TENM3: variants seen among roughly 807,000 people sequenced by gnomAD.
The protein encoded by TENM3 is teneurin transmembrane protein 3.
Under a neutral mutation model 255.1 loss-of-function variants are expected in TENM3, and 63 were observed. The ratio of observed to expected loss-of-function variants is 0.25; its 90% confidence interval spans 0.20 to 0.30. The LOEUF is 0.30. Among genes scored for constraint, TENM3 ranks in the 10% least tolerant of loss-of-function variants. The pLI is 1.00. For missense variants in TENM3, 2,929 were observed against 3,461.1 expected (o/e 0.85, Z 3.86); for synonymous variants, 1,306 against 1,322.3 (o/e 0.99, Z 0.27).
At chr4:181,942,045 T>C in the TENM3 span, among the ~76,000 whole-genome samples, 55,383 of 151,968 alleles carry the variant, frequency 0.36, 11,101 homozygotes, top group Middle Eastern at 0.5. Flanking sequence ...GCCCTTCCGG[T>C]GACCTGCTTT....
the TENM3 span, among the ~76,000 whole-genome samples, chr4:181,646,965 A>G: frequency 1.3e-5 from 2 of 152,242 alleles, no homozygotes; most frequent in Non-Finnish European, 2.9e-5. Context: ...GACAGGGGAA[A>G]TAACTCATTA....
the TENM3 span, among the ~76,000 whole-genome samples, chr4:181,501,565 A>G: frequency 6.6e-6 from 1 of 151,840 alleles, no homozygotes; most frequent in Non-Finnish European, 1.5e-5. Context: ...TTTTTAGTAG[A>G]GGCGGGGTTT....
chr4:181,860,039 T>C, the TENM3 span, among the ~76,000 whole-genome samples: 1 of 152,204 alleles, frequency 6.6e-6, no homozygotes, highest in African/African-American at 2.4e-5. Flanking sequence ...CTAAAGCCAG[T>C]TGCCATCTGA....
chr4:182,198,527 C>T (rs1000555737), intron 1 of TENM3, among the ~76,000 whole-genome samples: 1 of 152,210 alleles, frequency 6.6e-6, no homozygotes, highest in Admixed American at 6.5e-5. Flanking sequence ...CAGCTTGCTG[C>T]GGATAGCCCG....
At chr4:181,737,480 C>G in the TENM3 span, among the ~76,000 whole-genome samples, 1 of 152,036 alleles carries the variant, frequency 6.6e-6, no homozygotes, top group Non-Finnish European at 1.5e-5. Flanking sequence ...TAGAGTGGCC[C>G]TGGTCAATGT....
At chr4:181,527,437 C>T in the TENM3 span, among the ~76,000 whole-genome samples, 3 of 151,952 alleles carry the variant, frequency 2.0e-5, no homozygotes, top group Non-Finnish European at 2.9e-5. Flanking sequence ...GGCTTGATCT[C>T]GGCTCTCTGC....
At chr4:181,601,546 A>G in the TENM3 span, among the ~76,000 whole-genome samples, 5 of 152,154 alleles carry the variant, frequency 3.3e-5, no homozygotes, top group African/African-American at 1.2e-4. Context: ...TCTTCTTATA[A>G]GGACATTGCA....
chr4:182,177,203 G>T (rs1335794828), intron 1 of TENM3, among the ~76,000 whole-genome samples: 1 of 152,024 alleles, frequency 6.6e-6, no homozygotes, highest in Admixed American at 6.6e-5. Context: ...CTTGCACGAG[G>T]TGTTACCATC....
intron 5 of TENM3, among the ~76,000 whole-genome samples, chr4:182,646,593 T>A (rs758591382): frequency 3.0e-4 from 45 of 151,754 alleles, no homozygotes; most frequent in Non-Finnish European, 5.9e-4. Flanking sequence ...AATAGAAAAA[T>A]TAGCTGGATG....
At chr4:181,710,012 G>A in the TENM3 span, among the ~76,000 whole-genome samples, 2 of 152,130 alleles carry the variant, frequency 1.3e-5, no homozygotes, top group Admixed American at 6.5e-5. Context: ...AATTTGACAT[G>A]CATATTAAAT....
chr4:181,955,710 G>A, the TENM3 span, among the ~76,000 whole-genome samples: 2 of 152,174 alleles, frequency 1.3e-5, no homozygotes, highest in South Asian at 4.1e-4. Context: ...TGACGATAGG[G>A]AGCCACTTAA....
At chr4:181,948,590 A>AT in the TENM3 span, among the ~76,000 whole-genome samples, 8 of 151,674 alleles carry the variant, frequency 5.3e-5, no homozygotes, top group Non-Finnish European at 1.2e-4. Context: ...TAATTTTTGT[A>AT]TTTTTTTAGT....
At chr4:181,609,473 G>T in the TENM3 span, among the ~76,000 whole-genome samples, 4 of 152,116 alleles carry the variant, frequency 2.6e-5, no homozygotes. Context: ...ACCATTAGGA[G>T]AACAGTTGTC....
At chr4:182,186,231 A>C (rs1320263353) in intron 1 of TENM3, among the ~76,000 whole-genome samples, 2 of 152,168 alleles carry the variant, frequency 1.3e-5, no homozygotes, top group African/African-American at 4.8e-5. Context: ...CAGGAGATGA[A>C]ACATACTCAT....
the TENM3 span, among the ~76,000 whole-genome samples, chr4:181,561,415 G>T: frequency 2.0e-5 from 3 of 152,152 alleles, no homozygotes; most frequent in African/African-American, 7.2e-5. Context: ...TGAGTAGTTG[G>T]ATTTTTGTTT....
At chr4:181,959,529 G>T in the TENM3 span, among the ~76,000 whole-genome samples, 1 of 152,192 alleles carries the variant, frequency 6.6e-6, no homozygotes, top group Non-Finnish European at 1.5e-5. Context: ...TTCAGTTAAT[G>T]AATTTAATAA....
chr4:181,457,166 A>G, the TENM3 span, among the ~76,000 whole-genome samples: 1 of 151,982 alleles, frequency 6.6e-6, no homozygotes, highest in East Asian at 1.9e-4. Flanking sequence ...GAAAAACCTG[A>G]TTTTAAAATA....
the TENM3 span, among the ~76,000 whole-genome samples, chr4:181,801,701 A>G: frequency 9.0e-6 from 1 of 111,660 alleles, no homozygotes; most frequent in Non-Finnish European, 1.9e-5. Context: ...TATATATGCA[A>G]CAATGACCAT....
chr4:181,922,551 G>C, the TENM3 span, among the ~76,000 whole-genome samples: 5 of 152,234 alleles, frequency 3.3e-5, no homozygotes, highest in South Asian at 2.1e-4. Flanking sequence ...TCTGATGGTA[G>C]TTTGTATTTC....
Sources: gnomAD v4.1 joint callset for allele counts (sites outside exome capture counted in the v4.1 genomes callset) on GRCh38, gnomAD v4.1.1 for gene constraint, MANE v1.5 for transcripts, NCBI Gene and HGNC (gene_info 2026-07-23, HGNC 2026-07-21) for gene names.